Variants in HPS5 observed in about 807,000 individuals in gnomAD.
HPS5 encodes the protein BLOC-2 complex member HPS5.
Under a neutral mutation model 128.0 loss-of-function variants are expected in HPS5, and 83 were observed. That is an observed-to-expected ratio of 0.65 (90% confidence interval 0.54 to 0.78). The LOEUF (loss-of-function observed/expected upper bound fraction) is 0.78, where lower values mean the gene tolerates loss of function less well. Among genes scored for constraint, HPS5 ranks in the 30% least tolerant of loss-of-function variants. HPS5 has a pLI of 0.00. For synonymous variants in HPS5, 475 were observed against 470.2 expected (o/e 1.01, Z -0.13); for missense variants, 1,281 against 1,326.2 (o/e 0.97, Z 0.53).
chr11:18,286,493 G>T lies in HPS5; in HGVS notation c.2837+98C>A, dbSNP rs56767044. On this transcript the variant is annotated intron_variant, in intron 19 of 22. Coordinates refer to ENST00000349215, the MANE Select transcript of HPS5 (RefSeq NM_181507.2). ...GGAGGTCAAGGCTGCAGGAAGCCAT[G>T]ATCTTAGCACCACATTCCAGCCTAG... The T allele has an allele frequency of 3.2e-3, 3,933 of 1,241,100 alleles. 98 individuals carry two copies. In the African/African-American group the frequency reaches 0.054, roughly 17 times the overall value. The allele number at this position is 1,241,100 out of a possible 1,614,324, so 76.9% of individuals were successfully genotyped here.
intron 3 of HPS5, 200 bp from the exon 4 acceptor site, chr11:18,311,651 C>T: frequency 1.8e-6 from 1 of 551,584 alleles, no homozygotes; most frequent in Non-Finnish European, 3.2e-6. Flanking sequence ...GCTGGGATTA[C>T]AGGCACTCAC....
In HPS5 at chr11:18,298,960, A is replaced by C. The variant is rs761693456; in HGVS notation, c.996T>G (p.Asp332Glu). ...LLWSEVKDIQ[D>E]VAVCRNELFC... ...ACAATTCATTCCTACAGACAGCCAC[A>C]TCCTGAATATCTACGAAAACCACAG... Residue 332 changes from aspartate to glutamate, a missense_variant, in exon 10 of 23, where the codon GAT (aspartate) becomes GAG (glutamate). Coordinates refer to ENST00000349215, the MANE Select transcript of HPS5 (RefSeq NM_181507.2). The C allele has an allele frequency of 3.7e-6, 6 of 1,614,204 alleles. No individual in the cohort carries two copies. The South Asian group carries it at 6.6e-5, about 18-fold the overall frequency.
rs1861378550 is a variant in HPS5, at chr11:18,298,828, T to C, written c.1128A>G (p.Thr376=). 4 of 1,614,208 alleles carry C rather than the reference T, an allele frequency of 2.5e-6. No individual in the cohort carries two copies. Among genetic ancestry groups the C allele is most frequent in the South Asian group, 2.2e-5 (2 of 91,092 alleles). Residue 376 remains threonine (T), a synonymous_variant, in exon 10 of 23, where the codon ACA becomes ACG. Coordinates refer to ENST00000349215, the MANE Select transcript of HPS5 (RefSeq NM_181507.2). ...TGACAGAATTTTGGAAAAGACAGCATGTACGAGCAGCCAAGTTCCATAGGC... is the reference window on the plus strand; with the variant it reads ...TGACAGAATTTTGGAAAAGACAGCACGTACGAGCAGCCAAGTTCCATAGGC... The part of the protein sequence containing the change: ...RRGLWNLAAR[T]CCLFQNSVIA...
chr11:18,311,226 T>C (rs1479426979), intron 4 of HPS5, among the ~76,000 whole-genome samples, 161 bp downstream of exon 4: 4 of 152,218 alleles, frequency 2.6e-5, no homozygotes, highest in Admixed American at 2.6e-4. Context: ...CTGTCCATTC[T>C]GGTTTGCTGG....
Position 18,295,094 on chromosome 11 carries a change from T to C in HPS5, c.1710A>G (p.Pro570=), listed in dbSNP as rs142662695. The C allele has an allele frequency of 1.1e-5, 17 of 1,614,132 alleles. No homozygotes were observed. Among genetic ancestry groups the C allele is most frequent in the Non-Finnish European group, 1.4e-5 (17 of 1,180,032 alleles). The change falls in exon 14 of 23, where the codon CCA becomes CCG. Residue 570 remains proline, a synonymous_variant. Coordinates refer to ENST00000349215, the MANE Select transcript of HPS5 (RefSeq NM_181507.2). ...ATGATTGCTCATCACCCCTGAGCTC[T>C]GGTCTCACTTTCAGATCAGGGCTCG... ...LHTSPDLKVR[P]ELRGDEQSCE...
Position 18,281,982 on chromosome 11 carries a change from G to C in HPS5, c.3297C>G (p.Cys1099Trp). 6.2e-7 allele frequency: 1 copy of C among 1,614,146 alleles called. No homozygotes were observed. The highest frequency in any genetic ancestry group is 8.5e-7 in the Non-Finnish European group (1 of 1,180,040). Reference protein sequence around the residue: ...LELSEKFTRTCDILRIAEKRQ... With the variant: ...LELSEKFTRTWDILRIAEKRQ... ...TTTTCTCAGCAATCCTCAGGATATC[G>C]CAGGTTCTGGTAAACTTCTCTGACA... is the stretch of plus-strand genomic sequence containing the variant. The change falls in exon 22 of 23, where the codon TGC (cysteine) becomes TGG (tryptophan). Residue 1099 changes from cysteine (C) to tryptophan (W), a missense_variant. Cys to Trp is a radical substitution (Grantham distance 215). Coordinates refer to ENST00000349215, the MANE Select transcript of HPS5 (RefSeq NM_181507.2).
intron 4 of HPS5, 96 bp downstream of exon 4, chr11:18,311,291 C>T: frequency 1.1e-6 from 1 of 914,202 alleles, no homozygotes; most frequent in Non-Finnish European, 1.8e-6. Context: ...CGGGACAATC[C>T]TAGGCAAACC....
At chr11:18,287,735 TTA>T in intron 17 of HPS5, 45 bp from the exon 18 acceptor site, 1 of 1,608,752 alleles carries the variant, frequency 6.2e-7, no homozygotes, top group Non-Finnish European at 8.5e-7. Context: ...TTCAGTGAAA[TTA>T]TATAACTTGG....
intron 18 of HPS5, chr11:18,286,974 G>C: frequency 1.6e-6 from 1 of 607,272 alleles, no homozygotes; most frequent in Non-Finnish European, 2.9e-6. Context: ...AGTGTGGCCA[G>C]AGTAGGAAGA....
intron 3 of HPS5, 40 bp downstream of exon 3, chr11:18,311,874 G>C (rs1040911656): frequency 8.0e-7 from 1 of 1,253,312 alleles, no homozygotes; most frequent in Non-Finnish European, 1.2e-6. Context: ...TTATGAAAGA[G>C]ACTCCAAATG....
intron 16 of HPS5, 134 bp downstream of exon 16, chr11:18,291,308 G>T: frequency 3.5e-6 from 2 of 565,308 alleles, no homozygotes; most frequent in Non-Finnish European, 6.3e-6. Context: ...TAAAATGAAT[G>T]GAAAACAGAA....
rs923730037 is a variant in HPS5 at position 18,322,120 on chromosome 11, C to T, written c.-224G>A. The T allele has an allele frequency of 6.6e-6, 1 of 152,384 alleles. No individual in the cohort carries two copies. The highest frequency in any genetic ancestry group is 1.5e-5 in the Non-Finnish European group (1 of 68,140). 9.4% of individuals were successfully genotyped at this position (152,384 alleles called of 1,614,324 possible). On this transcript the variant is annotated 5_prime_UTR_variant, in exon 1 of 23. Coordinates refer to ENST00000349215, the MANE Select transcript of HPS5 (RefSeq NM_181507.2). ...TCGGATCTTGTCTCCCGGCTTAGCG[C>T]CGGGGAACTCACCGCGCACTAAGAG...
intron 2 of HPS5, chr11:18,314,418 T>A (rs1020843336): frequency 1.3e-5 from 2 of 152,060 alleles, no homozygotes; most frequent in African/African-American, 4.8e-5. Context: ...AATCCTAGCC[T>A]CTCTGGTGGC....
chr11:18,285,172 A>C (rs1003327444), intron 20 of HPS5, among the ~76,000 whole-genome samples, 174 bp downstream of exon 20: 1 of 152,014 alleles, frequency 6.6e-6, no homozygotes, highest in Non-Finnish European at 1.5e-5. Context: ...AAAAGCAAGA[A>C]ATTTAAATGG....
At chr11:18,293,284 T>C (rs1860660968) in intron 14 of HPS5, among the ~76,000 whole-genome samples, 1 of 152,184 alleles carries the variant, frequency 6.6e-6, no homozygotes, top group Admixed American at 6.5e-5. Flanking sequence ...TTCTCCCGCC[T>C]CAGCCTCCCG....
intron 18 of HPS5, 36 bp from the exon 19 acceptor site, chr11:18,286,746 C>G (rs780994128): frequency 6.2e-7 from 1 of 1,612,332 alleles, no homozygotes; most frequent in East Asian, 2.2e-5. Context: ...CACCAATCTT[C>G]ATGCTAAGAA....
At chr11:18,296,258 C>T in intron 12 of HPS5, 136 bp from the exon 13 acceptor site, 3 of 845,022 alleles carry the variant, frequency 3.6e-6, no homozygotes, top group Non-Finnish European at 5.6e-6. Flanking sequence ...GACCCAGAAA[C>T]AAATGAGTGG....
At position 18,282,008 on chromosome 11, in the gene HPS5, A is replaced by T. The variant is rs1160694020; in HGVS notation, c.3271T>A (p.Leu1091Met). 3.7e-6 allele frequency: 6 copies of T among 1,613,934 alleles called. No individual in the cohort carries two copies. The highest frequency in any genetic ancestry group is 5.1e-6 in the Non-Finnish European group (6 of 1,180,008). ...LLQECGLALE[L>M]SEKFTRTCDI... ...CAGGTTCTGGTAAACTTCTCTGACA[A>T]CTCAAGGGCCAGACCACATTCCTGT... The change falls in exon 22 of 23, where the codon TTG (leucine) becomes ATG (methionine). Residue 1091 changes from leucine to methionine, a missense_variant. Physicochemically the swap from Leu to Met is conservative, Grantham distance 15. Coordinates refer to ENST00000349215, the MANE Select transcript of HPS5 (RefSeq NM_181507.2).
chr11:18,305,276 C>A, intron 8 of HPS5, 146 bp downstream of exon 8: 1 of 632,166 alleles, frequency 1.6e-6, no homozygotes, highest in Non-Finnish European at 2.8e-6. Flanking sequence ...AGATACAGAA[C>A]ACTTCATGTA....
Sources: gnomAD v4.1 joint callset for allele counts (sites outside exome capture counted in the v4.1 genomes callset) on GRCh38, gnomAD v4.1.1 for gene constraint, MANE v1.5 for transcripts, NCBI Gene and HGNC (gene_info 2026-07-23, HGNC 2026-07-21) for gene names.